Variants in CALN1 observed in about 807,000 individuals in gnomAD.
The protein encoded by CALN1 is calneuron 1, also known as calcium-binding protein 8.
A neutral mutation model predicts 30.6 loss-of-function variants in CALN1; 17 were observed. The observed-to-expected ratio is 0.56, with a 90% CI of 0.38 to 0.83. The LOEUF is 0.83. Ranked by LOEUF, CALN1 falls within the 40% of genes least tolerant of loss-of-function variation. The probability of loss-of-function intolerance (pLI) is 0.00; values close to 1 mark genes in which losing one functional copy is unlikely to be tolerated. For synonymous variants in CALN1, 156 were observed against 131.4 expected (o/e 1.19, Z -1.28); for missense variants, 291 against 354.9 (o/e 0.82, Z 1.45).
chr7:72,311,492 G>T (rs1800044754), intron 2 of CALN1, among the ~76,000 whole-genome samples: 1 of 151,640 alleles, frequency 6.6e-6, no homozygotes, highest in Non-Finnish European at 1.5e-5. Flanking sequence ...TTGTGTGTGT[G>T]TGTGTAAGAC....
At chr7:72,387,099 A>G (rs892321223) in intron 2 of CALN1, among the ~76,000 whole-genome samples, 2 of 151,062 alleles carry the variant, frequency 1.3e-5, no homozygotes, top group Non-Finnish European at 2.9e-5. Flanking sequence ...TTTGAGCAAT[A>G]AAAGAAAAAA....
intron 5 of CALN1, among the ~76,000 whole-genome samples, chr7:71,938,259 C>T (rs912607097): frequency 1.1e-4 from 17 of 152,246 alleles, no homozygotes; most frequent in South Asian, 2.1e-4. Flanking sequence ...GATACAATGA[C>T]GACAGACTTT....
chr7:72,120,194 A>T (rs758947576), intron 3 of CALN1, among the ~76,000 whole-genome samples: 1 of 152,184 alleles, frequency 6.6e-6, no homozygotes, highest in Admixed American at 6.5e-5. Flanking sequence ...ATAGAAAAAA[A>T]AATTATCTAT....
At chr7:71,970,402 TCTTA>T (rs1187528600) in intron 5 of CALN1, among the ~76,000 whole-genome samples, 5 of 152,190 alleles carry the variant, frequency 3.3e-5, no homozygotes, top group African/African-American at 7.2e-5. Flanking sequence ...ACCCTCATTT[TCTTA>T]CTTATCAACT....
At chr7:71,790,372 GAA>G (rs1246822149) in intron 6 of CALN1, among the ~76,000 whole-genome samples, 2 of 25,978 alleles carry the variant, frequency 7.7e-5, no homozygotes, top group East Asian at 1.4e-3. Flanking sequence ...AGAAAGAAAA[GAA>G]AGAAAGAAAG....
intron 3 of CALN1, among the ~76,000 whole-genome samples, chr7:72,107,565 C>G (rs996337264): frequency 7.2e-5 from 11 of 152,176 alleles, no homozygotes; most frequent in African/African-American, 1.2e-4. Flanking sequence ...TCCAGAGCCA[C>G]TGCAGCTGTC....
chr7:71,870,472 G>T (rs1282237994), intron 5 of CALN1, among the ~76,000 whole-genome samples: 1 of 151,946 alleles, frequency 6.6e-6, no homozygotes, highest in Non-Finnish European at 1.5e-5. Flanking sequence ...TTTTATACCT[G>T]TCTGTATGTT....
At chr7:72,114,116 C>T (rs968382340) in intron 3 of CALN1, among the ~76,000 whole-genome samples, 1 of 151,604 alleles carries the variant, frequency 6.6e-6, no homozygotes, top group East Asian at 2.0e-4. Flanking sequence ...CACAGTGGCT[C>T]ACACCTGTAA....
intron 6 of CALN1, among the ~76,000 whole-genome samples, chr7:71,792,300 A>G (rs1786613649): frequency 6.6e-6 from 1 of 152,182 alleles, no homozygotes; most frequent in Non-Finnish European, 1.5e-5. Context: ...GACCCCAGTG[A>G]GCCAGCCGCA....
chr7:71,842,100 A>G (rs533549181), intron 5 of CALN1, among the ~76,000 whole-genome samples: 1 of 152,266 alleles, frequency 6.6e-6, no homozygotes, highest in African/African-American at 2.4e-5. Flanking sequence ...CATATGGCTC[A>G]TATCTCACAT....
At chr7:71,916,454 T>C (rs1236504789) in intron 5 of CALN1, among the ~76,000 whole-genome samples, 1 of 151,926 alleles carries the variant, frequency 6.6e-6, no homozygotes, top group Non-Finnish European at 1.5e-5. Flanking sequence ...ATAAAGAAAA[T>C]GTGGTACACA....
At chr7:71,898,257 G>C (rs1297685167) in intron 5 of CALN1, among the ~76,000 whole-genome samples, 1 of 152,092 alleles carries the variant, frequency 6.6e-6, no homozygotes, top group South Asian at 2.1e-4. Flanking sequence ...TTGAACCCAG[G>C]AGGCAGAGGT....
intron 3 of CALN1, among the ~76,000 whole-genome samples, chr7:72,121,886 TATATA>T (rs1808422514): frequency 6.8e-6 from 1 of 147,488 alleles, no homozygotes; most frequent in Non-Finnish European, 1.5e-5. Context: ...TTATAAATTA[TATATA>T]ATATATATTT....
chr7:72,436,509 A>G (rs1277586545), intron 1 of CALN1, among the ~76,000 whole-genome samples: 3 of 152,210 alleles, frequency 2.0e-5, no homozygotes, highest in African/African-American at 7.2e-5. Flanking sequence ...ACATGAGAAC[A>G]GACTAATACA....
intron 5 of CALN1, among the ~76,000 whole-genome samples, chr7:71,849,456 C>T (rs1307343859): frequency 3.5e-5 from 5 of 143,986 alleles, no homozygotes; most frequent in Admixed American, 2.8e-4. Flanking sequence ...TTTTTTGCCA[C>T]ATGTATTTTA....
rs559611013 is a variant in CALN1 at position 72,203,099 on chromosome 7, T to C, written c.244+75587A>G. 5.9e-5 allele frequency among the ~76,000 whole-genome samples: 9 copies of C among 151,926 alleles called. No homozygotes were observed. The South Asian group carries it at 1.0e-3, about 18-fold the overall frequency. Reference sequence around the variant, plus strand: ...ACTAACACAGGAACAGAAAACCAAATACCACATGTTCTCACTCATAAGTGG... The same window carrying C: ...ACTAACACAGGAACAGAAAACCAAACACCACATGTTCTCACTCATAAGTGG... On this transcript the variant is annotated intron_variant, in intron 3 of 6. Coordinates refer to ENST00000395275, the MANE Select transcript of CALN1 (RefSeq NM_031468.4).
chr7:72,503,914 T>C, the CALN1 span, among the ~76,000 whole-genome samples: 2 of 152,092 alleles, frequency 1.3e-5, no homozygotes, highest in Admixed American at 6.6e-5. Flanking sequence ...TCCCAGGGAA[T>C]TTCACAGAAA....
intron 3 of CALN1, among the ~76,000 whole-genome samples, chr7:72,174,193 C>A (rs1789174575): frequency 6.6e-6 from 1 of 152,086 alleles, no homozygotes; most frequent in Non-Finnish European, 1.5e-5. Context: ...CAGTTATATA[C>A]CACCACACTT....
chr7:72,334,474 A>C (rs973145056), intron 2 of CALN1, among the ~76,000 whole-genome samples: 3 of 152,186 alleles, frequency 2.0e-5, no homozygotes, highest in Non-Finnish European at 2.9e-5. Flanking sequence ...CTGGAGAGAT[A>C]AATGTAAAAC....
Sources: allele counts gnomAD v4.1 joint callset (sites outside exome capture counted in the v4.1 genomes callset), GRCh38; gene constraint gnomAD v4.1.1; transcripts MANE v1.5; gene names NCBI Gene and HGNC (gene_info 2026-07-23, HGNC 2026-07-21).